The following TMEM181 variants were observed in gnomAD, a reference collection of about 807,000 sequenced individuals.
The protein encoded by TMEM181 is G protein-coupled receptor 178.
TMEM181 carries 39 observed loss-of-function variants against 71.9 expected under a neutral mutation model. The observed-to-expected ratio is 0.54, with a 90% CI of 0.42 to 0.71. The LOEUF (loss-of-function observed/expected upper bound fraction) is 0.71, where lower values mean the gene tolerates loss of function less well. Ranked by LOEUF, TMEM181 falls within the 30% of genes least tolerant of loss-of-function variation. The pLI, the probability that TMEM181 is intolerant of heterozygous loss-of-function variation, is 0.00. For missense variants in TMEM181, 595 were observed against 583.0 expected (o/e 1.02, Z -0.21); for synonymous variants, 245 against 228.8 (o/e 1.07, Z -0.64).
At chr6:158,566,919 A>G (rs533071748) in intron 1 of TMEM181, among the ~76,000 whole-genome samples, 117 of 152,334 alleles carry the variant, frequency 7.7e-4, no homozygotes, top group Non-Finnish European at 1.3e-3. Flanking sequence ...GATTTGCATT[A>G]TGGATGCCAT....
intron 11 of TMEM181, 42 bp from the exon 12 acceptor site, chr6:158,625,062 G>A: frequency 1.3e-6 from 2 of 1,488,076 alleles, no homozygotes; most frequent in South Asian, 1.1e-5. Context: ...GAAGGTCACA[G>A]AGGCCCTGTT....
At chr6:158,631,440 G>A (rs1786660252) in intron 16 of TMEM181, 51 bp downstream of exon 16, 1 of 1,573,426 alleles carries the variant, frequency 6.4e-7, no homozygotes, top group Admixed American at 1.7e-5. Flanking sequence ...TCCCGGCACG[G>A]CCTTGCATGT....
chr6:158,585,998 A>G (rs1173815410), intron 5 of TMEM181, among the ~76,000 whole-genome samples: 2 of 152,164 alleles, frequency 1.3e-5, no homozygotes, highest in Non-Finnish European at 2.9e-5. Flanking sequence ...CTAATTTTCC[A>G]TGGTCACTCT....
At chr6:158,596,275 A>G (rs571140752) in intron 6 of TMEM181, among the ~76,000 whole-genome samples, 27 of 152,320 alleles carry the variant, frequency 1.8e-4, no homozygotes, top group African/African-American at 3.4e-4. Context: ...AACGGTATAC[A>G]GTGCGCCTGA....
chr6:158,572,889 GGGCTTGTGGGTTGTGA>G (rs1041169208), intron 1 of TMEM181, among the ~76,000 whole-genome samples: 11 of 151,740 alleles, frequency 7.2e-5, no homozygotes, highest in Middle Eastern at 3.4e-3. Flanking sequence ...GTGGGCTTGT[GGGCTTGTGGGTTGTGA>G]GGTTGTGAGG....
chr6:158,605,161 T>TAG, intron 6 of TMEM181, 106 bp from the exon 7 acceptor site: 2 of 733,178 alleles, frequency 2.7e-6, no homozygotes, highest in Non-Finnish European at 4.7e-6. Context: ...TGTGTGTGTA[T>TAG]GTGTATATAT....
chr6:158,563,737 G>C (rs953652998), intron 1 of TMEM181, among the ~76,000 whole-genome samples: 2 of 152,214 alleles, frequency 1.3e-5, no homozygotes, highest in African/African-American at 2.4e-5. Context: ...CCAGTCCTTG[G>C]GTAGCTTAGA....
intron 1 of TMEM181, among the ~76,000 whole-genome samples, chr6:158,539,900 C>T (rs1018157931): frequency 6.6e-6 from 1 of 152,164 alleles, no homozygotes; most frequent in Admixed American, 6.6e-5. Context: ...GATAAAGAAA[C>T]CCTCTTCACA....
intron 6 of TMEM181, among the ~76,000 whole-genome samples, chr6:158,594,950 T>C (rs1019783961): frequency 1.3e-5 from 2 of 152,350 alleles, no homozygotes; most frequent in Middle Eastern, 3.4e-3. Flanking sequence ...AGTGCTGGGA[T>C]TACAGGCATG....
intron 1 of TMEM181, among the ~76,000 whole-genome samples, chr6:158,564,835 T>C (rs1188071922): frequency 2.0e-5 from 3 of 152,096 alleles, no homozygotes; most frequent in Non-Finnish European, 4.4e-5. Flanking sequence ...TTTATACAGA[T>C]TGGAAAAATA....
chr6:158,629,740 C>G lies in TMEM181; in HGVS notation c.1203C>G (p.Phe401Leu). 1.9e-6 allele frequency: 3 copies of G among 1,609,998 alleles called. No homozygotes were observed. Among genetic ancestry groups the G allele is most frequent in the Non-Finnish European group, 2.5e-6 (3 of 1,177,946 alleles). Residue 401 changes from phenylalanine to leucine, a missense_variant, in exon 15 of 17, where the codon TTC (phenylalanine) becomes TTG (leucine). Coordinates refer to ENST00000684151, the MANE Select transcript of TMEM181 (RefSeq NM_001376852.1). ...LSTHYQNSAE[F>L]LSFYGLLNFY... ...CCTTGACAGCACCACCAGCCGAGTTCTTATCTTTCTATGGCCTGTTGAACT... is the reference window on the plus strand; with the variant it reads ...CCTTGACAGCACCACCAGCCGAGTTGTTATCTTTCTATGGCCTGTTGAACT...
At chr6:158,552,999 C>T (rs1781765032) in intron 1 of TMEM181, among the ~76,000 whole-genome samples, 1 of 151,964 alleles carries the variant, frequency 6.6e-6, no homozygotes, top group South Asian at 2.1e-4. Context: ...CCAGCCTGGG[C>T]AACATGGTGA....
chr6:158,608,959 G>A (rs1785128248), intron 10 of TMEM181, among the ~76,000 whole-genome samples: 2 of 152,138 alleles, frequency 1.3e-5, no homozygotes, highest in South Asian at 2.1e-4. Context: ...TTAGCTGGCC[G>A]TGGTGGCGCA....
At chr6:158,547,887 CAAAAAAA>C (rs34148643) in intron 1 of TMEM181, among the ~76,000 whole-genome samples, 6 of 57,056 alleles carry the variant, frequency 1.1e-4, no homozygotes, top group Non-Finnish European at 1.6e-4. Context: ...AACTCTGTCT[CAAAAAAA>C]AAAAAAAAAA....
intron 1 of TMEM181, among the ~76,000 whole-genome samples, chr6:158,569,593 T>TTC (rs1161890892): frequency 1.3e-5 from 2 of 151,646 alleles, no homozygotes; most frequent in South Asian, 2.1e-4. Context: ...CTCATGCCCT[T>TTC]TCTCTTTTTT....
At chr6:158,546,919 C>T (rs1781543438) in intron 1 of TMEM181, among the ~76,000 whole-genome samples, 1 of 152,060 alleles carries the variant, frequency 6.6e-6, no homozygotes, top group African/African-American at 2.4e-5. Flanking sequence ...GAGATTGCAC[C>T]ACTGCACTCC....
chr6:158,594,083 A>G (rs7772871), intron 6 of TMEM181, among the ~76,000 whole-genome samples: 53,163 of 130,408 alleles, frequency 0.41, 10,911 homozygotes, highest in East Asian at 0.76. Flanking sequence ...TCTTTTTACT[A>G]TTTCCATGGT....
chr6:158,539,895 AG>A (rs1781274941), intron 1 of TMEM181, among the ~76,000 whole-genome samples: 1 of 152,228 alleles, frequency 6.6e-6, no homozygotes, highest in African/African-American at 2.4e-5. Context: ...ATCAGGATAA[AG>A]AAACCCTCTT....
chr6:158,608,629 A>AT (rs1785105614), intron 9 of TMEM181, 30 bp from the exon 10 acceptor site: 1 of 1,600,218 alleles, frequency 6.2e-7, no homozygotes, highest in Non-Finnish European at 8.5e-7. Flanking sequence ...GGTTTTCTTT[A>AT]TTTCTTACTT....
Sources: gnomAD v4.1 joint callset for allele counts (sites outside exome capture counted in the v4.1 genomes callset) on GRCh38, gnomAD v4.1.1 for gene constraint, MANE v1.5 for transcripts, NCBI Gene and HGNC (gene_info 2026-07-23, HGNC 2026-07-21) for gene names.